The following FRMPD3 variants were observed in gnomAD, a reference collection of about 807,000 sequenced individuals.
FRMPD3 encodes FERM and PDZ domain-containing protein 3.
FRMPD3 carries 42 observed loss-of-function variants against 97.9 expected under a neutral mutation model. The ratio of observed to expected loss-of-function variants is 0.43; its 90% CI spans 0.34 to 0.55. FRMPD3 has a LOEUF of 0.55. Among genes scored for constraint, FRMPD3 ranks in the 20% least tolerant of loss-of-function variants. The pLI is 0.03. For missense variants in FRMPD3, 1,303 were observed against 1,457.7 expected (o/e 0.89, Z 1.73); for synonymous variants, 577 against 581.1 (o/e 0.99, Z 0.10).
chrX:107,460,427 G>A (rs752257962), intron 1 of FRMPD3, among the ~76,000 whole-genome samples: 10 of 107,733 alleles, frequency 9.3e-5, no homozygotes, highest in Non-Finnish European at 1.7e-4. Flanking sequence ...ATCTCGGTCT[G>A]TTGCCTAGGC....
chrX:107,551,977 T>C (rs1006349231), intron 6 of FRMPD3, among the ~76,000 whole-genome samples: 8 of 112,390 alleles, frequency 7.1e-5, no homozygotes, highest in Non-Finnish European at 3.8e-5. Context: ...CTTGATTCTT[T>C]CCAGCCTTTG....
At chrX:107,575,440 G>A (rs1457386882) in intron 12 of FRMPD3, among the ~76,000 whole-genome samples, 2 of 110,784 alleles carry the variant, frequency 1.8e-5, no homozygotes, top group Admixed American at 9.6e-5. Context: ...AAAGGAAAGG[G>A]GATAGAGCAT....
At position 107,576,896 on chromosome X, in the gene FRMPD3, C is replaced by A. The variant is rs190579394; in HGVS notation, c.1441+437C>A. 5.4e-5 allele frequency among the ~76,000 whole-genome samples: 6 copies of A among 110,551 alleles called. No homozygotes were observed. The East Asian group carries it at 1.7e-3, about 32-fold the overall frequency. The stretch of plus-strand genomic sequence containing the variant: ...AAGAACAGGTACTTCACATATTAGA[C>A]CTAAGGCTCATGTAGATGCAGTAAG... On this transcript the variant is annotated intron_variant, in intron 13 of 14. Transcript: ENST00000683843.
intron 1 of FRMPD3, among the ~76,000 whole-genome samples, chrX:107,466,062 C>T (rs1336303273): frequency 8.9e-6 from 1 of 112,280 alleles, no homozygotes; most frequent in African/African-American, 3.2e-5. Context: ...TCGCCATCTC[C>T]TTCTTTTCCT....
chrX:107,495,431 G>T (rs1487293030), intron 1 of FRMPD3, among the ~76,000 whole-genome samples: 2 of 112,313 alleles, frequency 1.8e-5, no homozygotes, highest in Non-Finnish European at 3.8e-5. Context: ...TCACTAGAAT[G>T]CAAGCTCCAT....
At chrX:107,493,226 A>G (rs2147524350) in intron 1 of FRMPD3, among the ~76,000 whole-genome samples, 1 of 109,409 alleles carries the variant, frequency 9.1e-6, no homozygotes, top group African/African-American at 3.3e-5. Context: ...AACATTTAGA[A>G]ATTGGGGAAC....
intron 1 of FRMPD3, among the ~76,000 whole-genome samples, chrX:107,452,981 A>G (rs183727928): frequency 9.0e-6 from 1 of 110,838 alleles, no homozygotes; most frequent in African/African-American, 3.3e-5. Context: ...CCACCGCAGT[A>G]ATCCTTACTT....
chrX:107,480,249 T>A (rs1045554429), intron 1 of FRMPD3, among the ~76,000 whole-genome samples: 6 of 109,595 alleles, frequency 5.5e-5, no homozygotes, highest in Non-Finnish European at 1.1e-4. Flanking sequence ...AAGATTGGAG[T>A]GTGGTGATGG....
intron 1 of FRMPD3, among the ~76,000 whole-genome samples, chrX:107,503,937 C>CATTT (rs1921972069): frequency 8.9e-6 from 1 of 112,471 alleles, no homozygotes; most frequent in African/African-American, 3.2e-5. Context: ...ACTCAGAAAG[C>CATTT]ATTTCCCCAG....
chrX:107,602,451 T>C lies in FRMPD3; in HGVS notation c.4412T>C (p.Leu1471Pro). 3.3e-6 allele frequency: 4 copies of C among 1,210,930 alleles called. No homozygotes were observed. The highest frequency in any genetic ancestry group is 4.5e-6 in the Non-Finnish European group (4 of 895,225). The change falls in exon 15 of 15, where the codon CTG becomes CCG. Residue 1471 changes from leucine to proline, a missense_variant. Physicochemically the swap from Leu to Pro is moderately conservative, Grantham distance 98 (BLOSUM62 -3). Coordinates refer to ENST00000683843, the MANE Select transcript of FRMPD3 (RefSeq NM_001388459.1). The stretch of plus-strand genomic sequence containing the variant: ...CCCAGACAGATGGCCGTGTTCTCAC[T>C]GCCCGAGGAGGTGTACCGGAAGCCT... The part of the protein sequence containing the change: ...KGPRQMAVFS[L>P]PEEVYRKPAE...
chrX:107,595,869 C>T (rs1415383504), intron 13 of FRMPD3, among the ~76,000 whole-genome samples: 1 of 105,363 alleles, frequency 9.5e-6, no homozygotes. Flanking sequence ...ACCCAGGAGG[C>T]AGAGGCTGCA....
At chrX:107,589,330 T>G (rs1216383398) in intron 13 of FRMPD3, among the ~76,000 whole-genome samples, 2 of 111,327 alleles carry the variant, frequency 1.8e-5, no homozygotes, top group African/African-American at 6.5e-5. Context: ...TTGTTTTTCT[T>G]TCAATGGTCA....
chrX:107,577,370 G>A (rs1056359083), intron 13 of FRMPD3, among the ~76,000 whole-genome samples: 27 of 105,045 alleles, frequency 2.6e-4, no homozygotes, highest in Middle Eastern at 5.1e-3. Flanking sequence ...TATAGTCCCA[G>A]CTGTTTGGGA....
intron 12 of FRMPD3, among the ~76,000 whole-genome samples, chrX:107,567,505 T>C (rs1434831716): frequency 8.9e-6 from 1 of 112,191 alleles, no homozygotes; most frequent in Non-Finnish European, 1.9e-5. Context: ...AAGAGGGTGT[T>C]TTAAGCTGGA....
chrX:107,568,107 T>C (rs986683498), intron 12 of FRMPD3, among the ~76,000 whole-genome samples: 7 of 110,523 alleles, frequency 6.3e-5, no homozygotes, highest in Non-Finnish European at 9.5e-5. Flanking sequence ...ATGGATGATA[T>C]TGTAGTGAAA....
chrX:107,486,387 C>T (rs1921504744), intron 1 of FRMPD3, among the ~76,000 whole-genome samples: 1 of 112,629 alleles, frequency 8.9e-6, no homozygotes, highest in South Asian at 3.6e-4. Context: ...AAAATTATTG[C>T]GTTGGGTCAA....
At chrX:107,547,279 A>C (rs1921656054) in intron 5 of FRMPD3, among the ~76,000 whole-genome samples, 1 of 111,159 alleles carries the variant, frequency 9.0e-6, no homozygotes, top group African/African-American at 3.3e-5. Context: ...CCATCTCAAC[A>C]TTGCAGAGTA....
intron 1 of FRMPD3, among the ~76,000 whole-genome samples, chrX:107,507,081 G>A (rs1160497009): frequency 9.1e-6 from 1 of 110,224 alleles, no homozygotes; most frequent in Non-Finnish European, 1.9e-5. Context: ...GTGGGGTTAG[G>A]GGGTCGGCAG....
At chrX:107,507,151 C>T (rs910433523) in intron 1 of FRMPD3, among the ~76,000 whole-genome samples, 2 of 110,336 alleles carry the variant, frequency 1.8e-5, no homozygotes, top group Non-Finnish European at 3.8e-5. Flanking sequence ...CTGGCATGGG[C>T]CCCCCTCCAC....
Sources: allele counts gnomAD v4.1 joint callset (sites outside exome capture counted in the v4.1 genomes callset), GRCh38; gene constraint gnomAD v4.1.1; transcripts MANE v1.5; gene names NCBI Gene and HGNC (gene_info 2026-07-23, HGNC 2026-07-21).